HCN1: variants seen among roughly 807,000 people sequenced by gnomAD.
HCN1 encodes the protein potassium/sodium hyperpolarization-activated cyclic nucleotide-gated channel 1.
Under a neutral mutation model 78.9 loss-of-function variants are expected in HCN1, and 13 were observed. That is an observed-to-expected ratio of 0.16 (90% CI 0.11 to 0.26). The LOEUF (loss-of-function observed/expected upper bound fraction) is 0.26, where lower values mean the gene tolerates loss of function less well. Among genes scored for constraint, HCN1 ranks in the 10% least tolerant of loss-of-function variants. The pLI is 1.00. For missense variants in HCN1, 810 were observed against 1,154.3 expected (o/e 0.70, Z 4.32); for synonymous variants, 552 against 455.5 (o/e 1.21, Z -2.70).
intron 1 of HCN1, among the ~76,000 whole-genome samples, chr5:45,650,022 G>A (rs1238709248): frequency 2.0e-5 from 3 of 152,000 alleles, no homozygotes; most frequent in African/African-American, 7.2e-5. Flanking sequence ...AAAGAGTTGT[G>A]TATTTGAGAT....
chr5:45,502,205 C>A (rs1450810482), intron 2 of HCN1, among the ~76,000 whole-genome samples: 1 of 151,770 alleles, frequency 6.6e-6, no homozygotes, highest in Admixed American at 6.6e-5. Flanking sequence ...TCGTGGCTCA[C>A]ATCTATAATC....
At chr5:45,558,943 T>A (rs1298087833) in intron 2 of HCN1, 1 of 147,090 alleles carries the variant, frequency 6.8e-6, no homozygotes, top group Non-Finnish European at 1.5e-5. Flanking sequence ...TTTTTTTTTT[T>A]AGGGATGGGA....
At chr5:45,640,437 G>A (rs1333326180) in intron 2 of HCN1, among the ~76,000 whole-genome samples, 1 of 152,128 alleles carries the variant, frequency 6.6e-6, no homozygotes, top group Non-Finnish European at 1.5e-5. Flanking sequence ...AGCAAAATGT[G>A]TGTAATAAAG....
intron 2 of HCN1, among the ~76,000 whole-genome samples, chr5:45,499,554 T>G (rs552702680): frequency 6.6e-6 from 1 of 152,194 alleles, no homozygotes; most frequent in Non-Finnish European, 1.5e-5. Flanking sequence ...GTCTTCTGCG[T>G]CGCTTACGCT....
chr5:45,464,020 A>C (rs565596202), intron 2 of HCN1, among the ~76,000 whole-genome samples: 26 of 152,254 alleles, frequency 1.7e-4, no homozygotes, highest in African/African-American at 6.3e-4. Flanking sequence ...ATCAGGCTTT[A>C]GAGTGGAGTA....
chr5:45,372,125 T>C (rs1259264460), intron 4 of HCN1, among the ~76,000 whole-genome samples: 2 of 54,156 alleles, frequency 3.7e-5, no homozygotes, highest in Non-Finnish European at 5.5e-5. Flanking sequence ...TTATATATTA[T>C]ATATATAATA....
At chr5:45,439,030 T>G (rs1740619451) in intron 3 of HCN1, among the ~76,000 whole-genome samples, 1 of 152,122 alleles carries the variant, frequency 6.6e-6, no homozygotes, top group Non-Finnish European at 1.5e-5. Flanking sequence ...ATCTTTCTTT[T>G]GTCAAAAGAA....
chr5:45,627,515 T>A (rs1306861101), intron 2 of HCN1, among the ~76,000 whole-genome samples: 2 of 152,204 alleles, frequency 1.3e-5, no homozygotes, highest in Admixed American at 1.3e-4. Flanking sequence ...CAAAAGAGAC[T>A]GTCATCAACA....
At chr5:45,335,007 G>C (rs913625575) in intron 5 of HCN1, among the ~76,000 whole-genome samples, 5 of 151,934 alleles carry the variant, frequency 3.3e-5, no homozygotes, top group African/African-American at 1.2e-4. Flanking sequence ...ACAAATTAAA[G>C]GTCAGCAGGA....
At chr5:45,598,488 A>T (rs1450894808) in intron 2 of HCN1, among the ~76,000 whole-genome samples, 2 of 152,210 alleles carry the variant, frequency 1.3e-5, no homozygotes, top group Non-Finnish European at 2.9e-5. Flanking sequence ...AGGTAGTACC[A>T]TTCAGGACAT....
intron 2 of HCN1, among the ~76,000 whole-genome samples, chr5:45,469,118 G>T (rs1741336877): frequency 6.6e-6 from 1 of 151,782 alleles, no homozygotes; most frequent in African/African-American, 2.4e-5. Flanking sequence ...AATATGATAG[G>T]TTATTTTTTA....
intron 2 of HCN1, among the ~76,000 whole-genome samples, chr5:45,511,642 C>G (rs1742419329): frequency 6.6e-6 from 1 of 151,924 alleles, no homozygotes; most frequent in Non-Finnish European, 1.5e-5. Flanking sequence ...ACAGCTTCTT[C>G]AAACTGTCAA....
At chr5:45,265,691 A>G (rs1428778734) in intron 7 of HCN1, among the ~76,000 whole-genome samples, 2 of 152,188 alleles carry the variant, frequency 1.3e-5, no homozygotes, top group African/African-American at 4.8e-5. Flanking sequence ...CAGTTGAGGT[A>G]CCTCCTTGTT....
chr5:45,424,360 T>C (rs979157237), intron 3 of HCN1, among the ~76,000 whole-genome samples: 1 of 151,920 alleles, frequency 6.6e-6, no homozygotes, highest in Non-Finnish European at 1.5e-5. Flanking sequence ...ATTAAAGCTG[T>C]GCCTAAGAAT....
intron 2 of HCN1, among the ~76,000 whole-genome samples, chr5:45,561,840 G>T (rs978062683): frequency 5.9e-5 from 9 of 152,128 alleles, no homozygotes; most frequent in Non-Finnish European, 1.2e-4. Flanking sequence ...CCTAACTCTG[G>T]ACATGGAAAC....
chr5:45,621,656 C>G (rs1159874213), intron 2 of HCN1, among the ~76,000 whole-genome samples: 1 of 151,990 alleles, frequency 6.6e-6, no homozygotes, highest in Non-Finnish European at 1.5e-5. Flanking sequence ...TATATGACTA[C>G]AGTAAGTGGG....
chr5:45,363,132 T>TTA (rs1221938939), intron 4 of HCN1, among the ~76,000 whole-genome samples: 24 of 116,050 alleles, frequency 2.1e-4, no homozygotes, highest in African/African-American at 3.6e-4. Context: ...ATATAACATA[T>TTA]TATATATATA....
intron 4 of HCN1, among the ~76,000 whole-genome samples, chr5:45,354,452 A>G (rs1418619467): frequency 6.6e-6 from 1 of 152,028 alleles, no homozygotes; most frequent in African/African-American, 2.4e-5. Flanking sequence ...CTTTATATGG[A>G]CAAGATTTTC....
At chr5:45,324,953 C>G (rs188261487) in intron 5 of HCN1, among the ~76,000 whole-genome samples, 39 of 151,820 alleles carry the variant, frequency 2.6e-4, no homozygotes, top group African/African-American at 9.2e-4. Context: ...GTCCTTAGTG[C>G]CCAAGGAAAT....
Sources: gnomAD v4.1 joint callset for allele counts (sites outside exome capture counted in the v4.1 genomes callset) on GRCh38, gnomAD v4.1.1 for gene constraint, MANE v1.5 for transcripts, NCBI Gene and HGNC (gene_info 2026-07-23, HGNC 2026-07-21) for gene names.